GATA4: variants seen among roughly 807,000 people sequenced by gnomAD.
GATA4 encodes GATA binding protein 4.
Under a neutral mutation model 37.9 loss-of-function variants are expected in GATA4, and 7 were observed. That is an observed-to-expected ratio of 0.18 (90% CI 0.11 to 0.35). The LOEUF (loss-of-function observed/expected upper bound fraction) is 0.35, where lower values mean the gene tolerates loss of function less well. Ranked by LOEUF, GATA4 falls within the 10% of genes least tolerant of loss-of-function variation. The probability of loss-of-function intolerance (pLI) is 1.00; values close to 1 mark genes in which losing one functional copy is unlikely to be tolerated. For synonymous variants in GATA4, 372 were observed against 292.6 expected (o/e 1.27, Z -2.77); for missense variants, 647 against 653.0 (o/e 0.99, Z 0.10).
intron 1 of GATA4, among the ~76,000 whole-genome samples, chr8:11,699,147 T>G (rs538544642): frequency 6.6e-6 from 1 of 152,144 alleles, no homozygotes; most frequent in Non-Finnish European, 1.5e-5. Flanking sequence ...AGAGCATACC[T>G]TTTGGGGGTG....
chr8:11,678,497 C>G (rs1798852657), intron 1 of GATA4, among the ~76,000 whole-genome samples: 1 of 152,184 alleles, frequency 6.6e-6, no homozygotes, highest in South Asian at 2.1e-4. Flanking sequence ...GATATTCCTG[C>G]TCTTCTGTAC....
intron 2 of GATA4, among the ~76,000 whole-genome samples, chr8:11,748,328 G>T (rs937260142): frequency 6.6e-6 from 1 of 152,182 alleles, no homozygotes; most frequent in South Asian, 2.1e-4. Context: ...GGGGTTCAAG[G>T]CTGGACTGAG....
At chr8:11,706,276 G>A (rs933784692) in intron 1 of GATA4, among the ~76,000 whole-genome samples, 1 of 152,156 alleles carries the variant, frequency 6.6e-6, no homozygotes, top group African/African-American at 2.4e-5. Flanking sequence ...AAAGCATTAT[G>A]TAGTGTGTAT....
In GATA4 at chr8:11,682,002, G is replaced by A. The variant is rs1798988198; in HGVS notation, c.-274+4939G>A. On this transcript the variant is annotated intron_variant, in intron 1 of 6. Transcript: ENST00000528712. ...TCTACAGAAGTTACTCGATAAAGAT[G>A]TTTTGTTTCATGAATCAAAAGGCTT... 2.0e-5 allele frequency among the ~76,000 whole-genome samples: 3 copies of A among 152,168 alleles called. No homozygotes were observed. The South Asian group carries it at 6.2e-4, about 32-fold the overall frequency.
At chr8:11,730,599 GC>G (rs1229902769) in intron 2 of GATA4, among the ~76,000 whole-genome samples, 1 of 152,212 alleles carries the variant, frequency 6.6e-6, no homozygotes, top group East Asian at 1.9e-4. Flanking sequence ...GAGGAGGATG[GC>G]TCCTGGGTGT....
At chr8:11,721,512 G>A (rs1469749574) in intron 2 of GATA4, among the ~76,000 whole-genome samples, 3 of 151,866 alleles carry the variant, frequency 2.0e-5, no homozygotes, top group African/African-American at 7.3e-5. Context: ...AGCGCCTCCC[G>A]CTGAGTCACC....
At chr8:11,699,902 A>T (rs1015328730), upstream of GATA4, among the ~76,000 whole-genome samples, 3 of 151,676 alleles carry the variant, frequency 2.0e-5, no homozygotes, top group African/African-American at 7.3e-5. Context: ...ACTCAGAACA[A>T]TTTTTAAAAG....
At chr8:11,750,992 A>G (rs1802278171) in intron 4 of GATA4, among the ~76,000 whole-genome samples, 1 of 152,134 alleles carries the variant, frequency 6.6e-6, no homozygotes, top group Non-Finnish European at 1.5e-5. Flanking sequence ...AAAGAAAATC[A>G]GACAATAAAA....
In GATA4 at chr8:11,738,149, C is replaced by T. The variant is rs542207264; in HGVS notation, c.617-10767C>T. On this transcript the variant is annotated intron_variant, in intron 2 of 6. Transcript: ENST00000532059. ...TGAGCCAAGATCATGCCATTGCACT[C>T]TAGCCTGGGTGACAGAGCAAGACTC... 8.2e-5 allele frequency among the ~76,000 whole-genome samples: 12 copies of T among 146,446 alleles called. No homozygotes were observed. The South Asian group carries it at 1.5e-3, about 19-fold the overall frequency.
chr8:11,741,966 C>T (rs935121994), intron 2 of GATA4, among the ~76,000 whole-genome samples: 1 of 152,166 alleles, frequency 6.6e-6, no homozygotes, highest in East Asian at 1.9e-4. Context: ...GGTTAAGAGA[C>T]TGACTGCCCA....
chr8:11,742,276 C>T (rs996833096), intron 2 of GATA4, among the ~76,000 whole-genome samples: 17 of 152,150 alleles, frequency 1.1e-4, no homozygotes, highest in African/African-American at 4.1e-4. Flanking sequence ...TTTGTAAAAC[C>T]TCTTTGCATA....
chr8:11,721,564 C>A (rs1216662245), intron 2 of GATA4, among the ~76,000 whole-genome samples: 1 of 151,984 alleles, frequency 6.6e-6, no homozygotes, highest in Non-Finnish European at 1.5e-5. Flanking sequence ...AATGAAGCCG[C>A]ACGCTACAGG....
At chr8:11,733,917 C>G (rs575253880) in intron 2 of GATA4, among the ~76,000 whole-genome samples, 2 of 152,222 alleles carry the variant, frequency 1.3e-5, no homozygotes, top group Non-Finnish European at 2.9e-5. Flanking sequence ...AGAGCCATTA[C>G]GTGGTTCTGT....
chr8:11,746,501 A>T (rs1484839684), intron 2 of GATA4, among the ~76,000 whole-genome samples: 2 of 152,202 alleles, frequency 1.3e-5, no homozygotes, highest in Non-Finnish European at 2.9e-5. Flanking sequence ...TTCAATTTTG[A>T]GATGGTAGCG....
chr8:11,741,389 G>A (rs1399685342), intron 2 of GATA4, among the ~76,000 whole-genome samples: 4 of 152,082 alleles, frequency 2.6e-5, no homozygotes. Flanking sequence ...TCAGGCAGGA[G>A]GATCGCCTGG....
intron 1 of GATA4, among the ~76,000 whole-genome samples, chr8:11,693,560 CACAGAGAGAGAGAGAG>C (rs1799404358): frequency 4.4e-5 from 3 of 68,824 alleles, no homozygotes. Context: ...CACACACACA[CACAGAGAGAGAGAGAG>C]AGAGAGAGAG....
At chr8:11,703,603 G>A (rs983650178), upstream of GATA4, among the ~76,000 whole-genome samples, 3 of 152,260 alleles carry the variant, frequency 2.0e-5, no homozygotes, top group African/African-American at 7.2e-5. Context: ...ACATAAAATT[G>A]AGGCTGAGGC....
chr8:11,692,111 A>G (rs1585562342), upstream of GATA4: 1 of 907,294 alleles, frequency 1.1e-6, no homozygotes. Flanking sequence ...GGCAGGCAGG[A>G]GCTCGGGCCA....
rs748737164 is a variant in GATA4, at chr8:11,758,455, G to A, written c.1312G>A (p.Gly438Arg). 7 of 1,614,062 alleles carry A rather than the reference G, an allele frequency of 4.3e-6. No homozygotes were observed. Among genetic ancestry groups the A allele is most frequent in the South Asian group, 3.3e-5 (3 of 91,080 alleles). The change falls in exon 7 of 7, where the codon GGG becomes AGG. Residue 438 changes from glycine (G) to arginine (R), a missense_variant. Around this residue, in one of 5 missense-constraint regions of GATA4, gnomAD observed 184 missense variants for 157.1 expected, o/e 1.17. Coordinates refer to ENST00000532059, the MANE Select transcript of GATA4 (RefSeq NM_001308093.3). ...CAGCCTGGTCTTGGCCGACAGTCAC[G>A]GGGACATAATCACTGCGTAATCTTC... ...WNSLVLADSH[G>R]DIITA is the part of the protein sequence containing the mutation.
Sources: allele counts gnomAD v4.1 joint callset (sites outside exome capture counted in the v4.1 genomes callset), GRCh38; gene constraint gnomAD v4.1.1; regional missense constraint gnomAD v4.1.1; transcripts MANE v1.5; gene names NCBI Gene and HGNC (gene_info 2026-07-23, HGNC 2026-07-21).